TRIM22: variants seen among roughly 807,000 people sequenced by gnomAD.
TRIM22 encodes tripartite motif containing 22, also known as E3 ubiquitin-protein ligase TRIM22.
A neutral mutation model predicts 53.6 loss-of-function variants in TRIM22; 45 were observed. The observed-to-expected ratio is 0.84, with a 90% CI of 0.66 to 1.08. TRIM22 has a LOEUF of 1.08. Among genes scored for constraint, TRIM22 ranks in the 50% least tolerant of loss-of-function variants. The probability of loss-of-function intolerance (pLI) is 0.00; values close to 1 mark genes in which losing one functional copy is unlikely to be tolerated. For synonymous variants in TRIM22, 225 were observed against 216.6 expected (o/e 1.04, Z -0.34); for missense variants, 616 against 590.9 (o/e 1.04, Z -0.44).
rs751082261 is a variant in TRIM22 at position 5,698,309 on chromosome 11, C to A, written c.520-6C>A. On this transcript the variant is annotated splice_polypyrimidine_tract_variant and splice_region_variant and intron_variant, in intron 3 of 7. Coordinates refer to ENST00000379965, the MANE Select transcript of TRIM22 (RefSeq NM_006074.5). ...CTGACTGCCTCTTTCTCTTTTCATT[C>A]CCAAGAATTATATCCAGATCGAGAG... 1.9e-6 allele frequency: 3 copies of A among 1,612,500 alleles called. No homozygotes were observed. Among genetic ancestry groups the A allele is most frequent in the African/African-American group, 1.3e-5 (1 of 75,006 alleles).
In TRIM22 at chr11:5,696,570, A is replaced by G; in HGVS notation, c.338A>G (p.Lys113Arg). 6.2e-7 allele frequency: 1 copy of G among 1,614,224 alleles called. No homozygotes were observed. Among genetic ancestry groups the G allele is most frequent in the Non-Finnish European group, 8.5e-7 (1 of 1,180,042 alleles). Residue 113 changes from lysine to arginine, a missense_variant, in exon 2 of 8, where the codon AAA (lysine) becomes AGA (arginine). Transcript: ENST00000379965. ...KLQIFCKEDG[K>R]VICWVCELSQ... is the part of the protein sequence containing the mutation. ...CAGATCTTCTGTAAGGAGGATGGAA[A>G]AGTCATTTGCTGGGTTTGTGAACTG...
intron 4 of TRIM22, among the ~76,000 whole-genome samples, chr11:5,700,705 G>T (rs1389798566): frequency 4.1e-5 from 6 of 147,508 alleles, no homozygotes; most frequent in South Asian, 2.2e-4. Flanking sequence ...CACGATTTCG[G>T]CTCACTGCAA....
intron 3 of TRIM22, 21 bp from the exon 4 acceptor site, chr11:5,698,294 C>G: frequency 6.2e-7 from 1 of 1,608,356 alleles, no homozygotes. Context: ...CTGACTGCCT[C>G]TTTCTCTTTT....
intron 1 of TRIM22, among the ~76,000 whole-genome samples, chr11:5,690,693 T>C (rs1853159042): frequency 6.6e-6 from 1 of 152,236 alleles, no homozygotes; most frequent in South Asian, 2.1e-4. Flanking sequence ...ATTCCTATTC[T>C]GTCATTTTGA....
In TRIM22 at chr11:5,698,553, T is replaced by C. The variant is rs200742044; in HGVS notation, c.750+8T>C. 107 of 1,605,960 alleles carry C rather than the reference T, an allele frequency of 6.7e-5. 2 individuals are homozygous for C. In the Admixed American group the frequency reaches 1.7e-3, roughly 26 times the overall value. The stretch of plus-strand genomic sequence containing the variant: ...TCAGTAGAGATGCTGCAGGTAAGAC[T>C]TGGGATGGAGCACCTACGTAAGAGA... On this transcript the variant is annotated splice_region_variant and intron_variant, in intron 4 of 7. Coordinates refer to ENST00000379965, the MANE Select transcript of TRIM22 (RefSeq NM_006074.5).
rs1423999943 is a variant in TRIM22 at position 5,709,685 on chromosome 11, C to G, written c.*37C>G. 3 of 1,548,236 alleles carry G rather than the reference C, an allele frequency of 1.9e-6. No homozygotes were observed. The highest frequency in any genetic ancestry group is 2.6e-6 in the Non-Finnish European group (3 of 1,142,632). ...CCTTTACCCACTTCTGCATAGTAGCCCTTGTGCTGAGACTCAGATTCTGCA... is the reference window on the plus strand; with the variant it reads ...CCTTTACCCACTTCTGCATAGTAGCGCTTGTGCTGAGACTCAGATTCTGCA... On this transcript the variant is annotated 3_prime_UTR_variant, in exon 8 of 8. Transcript: ENST00000379965.
rs148837721 is a variant in TRIM22 at position 5,708,946 on chromosome 11, G to C, written c.902-107G>C. 22 of 884,770 alleles carry C rather than the reference G, an allele frequency of 2.5e-5. No individual in the cohort carries two copies. The Middle Eastern group carries it at 1.2e-3, about 47-fold the overall frequency. The allele number at this position is 884,770 out of a possible 1,614,324, so 54.8% of individuals were successfully genotyped here. On this transcript the variant is annotated intron_variant, in intron 7 of 7. Transcript: ENST00000379965. ...TACTAACCTCTGACTATCAACACAA[G>C]TTCCGTTTGATATCGACACAAGTTT...
In TRIM22 at chr11:5,708,574, C is replaced by T. The variant is rs1853500836; in HGVS notation, c.875-3C>T. 2 of 1,603,744 alleles carry T rather than the reference C, an allele frequency of 1.2e-6. No individual in the cohort carries two copies. The highest frequency in any genetic ancestry group is 1.7e-6 in the Non-Finnish European group (2 of 1,177,302). ...AACATCACTGAAACTTTTGTCGTTTCAGAGCTGACAGATGTCCAGTACTAC... is the reference window on the plus strand; with the variant it reads ...AACATCACTGAAACTTTTGTCGTTTTAGAGCTGACAGATGTCCAGTACTAC... On this transcript the variant is annotated splice_region_variant and splice_polypyrimidine_tract_variant and intron_variant, in intron 6 of 7. Coordinates refer to ENST00000379965, the MANE Select transcript of TRIM22 (RefSeq NM_006074.5).
In TRIM22 at chr11:5,699,321, G is replaced by C. The variant is rs567338319; in HGVS notation, c.750+776G>C. ...GGGTGGATCATGAGGTCAGGAGATCGAGACCATCCTGGCTAACAAGGTGAA... is the reference window on the plus strand; with the variant it reads ...GGGTGGATCATGAGGTCAGGAGATCCAGACCATCCTGGCTAACAAGGTGAA... On this transcript the variant is annotated intron_variant, in intron 4 of 7. Transcript: ENST00000379965. Among the ~76,000 whole-genome samples, 950 of 128,462 alleles carry C rather than the reference G, an allele frequency of 7.4e-3. 35 individuals are homozygous for C. The highest frequency in any genetic ancestry group is 0.011 in the Non-Finnish European group (722 of 62,938). The allele number at this position is 128,462 out of a possible 152,430, so 84.3% of individuals were successfully genotyped here.
chr11:5,703,531 G>A (rs551073837), intron 4 of TRIM22, among the ~76,000 whole-genome samples: 3 of 151,838 alleles, frequency 2.0e-5, no homozygotes, highest in Non-Finnish European at 2.9e-5. Context: ...GACTACAGGC[G>A]CCTGCAACCA....
chr11:5,696,931 G>A, intron 2 of TRIM22: 2 of 507,232 alleles, frequency 3.9e-6, no homozygotes, highest in Non-Finnish European at 6.9e-6. Context: ...AAGAAGAACA[G>A]TATTTTTGGG....
At chr11:5,697,561 G>A (rs1233080623) in intron 3 of TRIM22, 2 of 440,084 alleles carry the variant, frequency 4.5e-6, no homozygotes, top group Admixed American at 3.9e-5. Context: ...AAGGCATGGA[G>A]GGAAATATCT....
intron 4 of TRIM22, 48 bp downstream of exon 4, chr11:5,698,593 C>T (rs762742898): frequency 2.0e-6 from 3 of 1,474,462 alleles, no homozygotes; most frequent in Non-Finnish European, 1.9e-6. Context: ...GGGAAAAACA[C>T]AGAGGCCGAT....
intron 2 of TRIM22, 51 bp downstream of exon 2, chr11:5,696,706 A>G (rs1196904121): frequency 6.5e-7 from 1 of 1,537,734 alleles, no homozygotes; most frequent in Non-Finnish European, 8.7e-7. Context: ...GATGGTACCT[A>G]ATGTGAAATC....
rs1853501751 is a variant in TRIM22, at chr11:5,708,608, G to T, written c.901+5G>T. 1.2e-6 allele frequency: 2 copies of T among 1,606,654 alleles called. No individual in the cohort carries two copies. The highest frequency in any genetic ancestry group is 8.5e-7 in the Non-Finnish European group (1 of 1,177,750). On this transcript the variant is annotated splice_donor_5th_base_variant and intron_variant, in intron 7 of 7. Transcript: ENST00000379965. ...CAGATGTCCAGTACTACTGGGGTAA[G>T]ATGATATGGGGTTTTCAAATCACTT...
chr11:5,692,793 CAA>C (rs749260436), intron 1 of TRIM22, among the ~76,000 whole-genome samples: 6 of 95,760 alleles, frequency 6.3e-5, no homozygotes, highest in Non-Finnish European at 6.3e-5. Flanking sequence ...GACCTTGTCT[CAA>C]AAAAAAAAAA....
At chr11:5,692,776 G>A (rs375889441) in intron 1 of TRIM22, among the ~76,000 whole-genome samples, 3 of 139,096 alleles carry the variant, frequency 2.2e-5, no homozygotes, top group African/African-American at 5.3e-5. Context: ...CCTGGGCAAC[G>A]CAGTGAGACC....
At chr11:5,708,014 T>C (rs1004852307) in intron 5 of TRIM22, among the ~76,000 whole-genome samples, 159 bp from the exon 6 acceptor site, 6 of 152,274 alleles carry the variant, frequency 3.9e-5, no homozygotes, top group African/African-American at 1.4e-4. Flanking sequence ...CATGAGCACA[T>C]TTCTCTGGAC....
intron 7 of TRIM22, among the ~76,000 whole-genome samples, 195 bp from the exon 8 acceptor site, chr11:5,708,858 A>T (rs1467850599): frequency 6.6e-6 from 1 of 152,114 alleles, no homozygotes; most frequent in African/African-American, 2.4e-5. Context: ...CTGGGATTAC[A>T]GGCGTGTGCC....
Sources: gnomAD v4.1 joint callset for allele counts (sites outside exome capture counted in the v4.1 genomes callset) on GRCh38, gnomAD v4.1.1 for gene constraint, MANE v1.5 for transcripts, NCBI Gene and HGNC (gene_info 2026-07-23, HGNC 2026-07-21) for gene names.